Variants in STPG2 observed in about 807,000 individuals in gnomAD.
The protein encoded by STPG2 is sperm tail PG-rich repeat containing 2.
In STPG2, 56 loss-of-function variants were observed where a neutral mutation model predicts 54.2. The ratio of observed to expected loss-of-function variants is 1.03; its 90% CI spans 0.83 to 1.29. The LOEUF (loss-of-function observed/expected upper bound fraction) is 1.29, where lower values mean the gene tolerates loss of function less well. Ranked by LOEUF, STPG2 falls within the 50% of genes most tolerant of loss-of-function variation. The pLI is 0.00. For missense variants in STPG2, 596 were observed against 544.9 expected, an observed-to-expected ratio of 1.09 and a Z score of -0.93; for synonymous variants, 200 against 181.8, an observed-to-expected ratio of 1.10 and a Z score of -0.81.
At chr4:97,865,199 A>G (rs1413387562) in intron 8 of STPG2, among the ~76,000 whole-genome samples, 2 of 152,310 alleles carry the variant, frequency 1.3e-5, no homozygotes, top group Middle Eastern at 3.4e-3. Context: ...CTCATCTGAC[A>G]AAGGGCTAAT....
chr4:97,679,751 T>A (rs949261435), intron 10 of STPG2, among the ~76,000 whole-genome samples: 1 of 152,234 alleles, frequency 6.6e-6, no homozygotes, highest in African/African-American at 2.4e-5. Context: ...AGGGTTTTTA[T>A]GGTTTTAGGT....
intron 6 of STPG2, among the ~76,000 whole-genome samples, chr4:97,979,501 C>G (rs1734600377): frequency 6.6e-6 from 1 of 152,170 alleles, no homozygotes; most frequent in East Asian, 1.9e-4. Context: ...AAACAATCCT[C>G]TCTTTGGTTC....
chr4:97,658,770 T>C (rs1386492831), intron 10 of STPG2, among the ~76,000 whole-genome samples: 1 of 152,186 alleles, frequency 6.6e-6, no homozygotes, highest in East Asian at 1.9e-4. Flanking sequence ...AAAAGTTACA[T>C]ACACATGTAT....
At chr4:97,843,096 C>T (rs892371457) in intron 8 of STPG2, among the ~76,000 whole-genome samples, 2 of 151,304 alleles carry the variant, frequency 1.3e-5, no homozygotes, top group South Asian at 2.1e-4. Flanking sequence ...AATTTGTTGG[C>T]GATTCTTTAT....
At chr4:97,678,690 A>T (rs1167849342) in intron 10 of STPG2, among the ~76,000 whole-genome samples, 1 of 151,840 alleles carries the variant, frequency 6.6e-6, no homozygotes, top group Non-Finnish European at 1.5e-5. Context: ...TTAGTTACAT[A>T]TGTATACATG....
At chr4:98,125,193 C>T (rs1472287774) in intron 3 of STPG2, among the ~76,000 whole-genome samples, 1 of 152,204 alleles carries the variant, frequency 6.6e-6, no homozygotes, top group East Asian at 1.9e-4. Context: ...CCATCTCAGT[C>T]TCAGCCCAGT....
chr4:97,739,319 C>A (rs531139641), intron 9 of STPG2, among the ~76,000 whole-genome samples: 1 of 152,122 alleles, frequency 6.6e-6, no homozygotes, highest in South Asian at 2.1e-4. Context: ...AAAGCAAGAG[C>A]AAACACATTC....
intron 9 of STPG2, among the ~76,000 whole-genome samples, chr4:97,724,187 A>G (rs1578508932): frequency 6.6e-6 from 1 of 152,202 alleles, no homozygotes; most frequent in East Asian, 1.9e-4. Flanking sequence ...ATGGTATTGG[A>G]ATTTCTCCCC....
intron 4 of STPG2, among the ~76,000 whole-genome samples, chr4:97,514,430 G>A (rs1195491270): frequency 2.6e-5 from 4 of 151,994 alleles, no homozygotes; most frequent in African/African-American, 9.7e-5. Context: ...TTTTCTTCTC[G>A]CTAAGGAAGT....
At chr4:97,883,121 T>C (rs1435364127) in intron 8 of STPG2, among the ~76,000 whole-genome samples, 3 of 151,686 alleles carry the variant, frequency 2.0e-5, no homozygotes, top group Non-Finnish European at 4.4e-5. Context: ...AGTTTGAGAC[T>C]AGCATGGGCA....
intron 5 of STPG2, among the ~76,000 whole-genome samples, chr4:98,053,067 T>C (rs1737375060): frequency 6.6e-6 from 1 of 152,186 alleles, no homozygotes; most frequent in Non-Finnish European, 1.5e-5. Context: ...TAGTTCTCAA[T>C]GGCTGGCTAG....
chr4:97,513,553 T>C (rs972324027), intron 4 of STPG2, among the ~76,000 whole-genome samples: 2 of 152,020 alleles, frequency 1.3e-5, no homozygotes, highest in Admixed American at 6.6e-5. Context: ...GACTCTCCTA[T>C]CACTCCAGAG....
intron 8 of STPG2, among the ~76,000 whole-genome samples, chr4:97,942,142 T>C (rs1733009344): frequency 6.7e-6 from 1 of 149,786 alleles, no homozygotes; most frequent in Non-Finnish European, 1.5e-5. Context: ...TATGTGTGTA[T>C]ATATATATAT....
intron 7 of STPG2, among the ~76,000 whole-genome samples, chr4:97,969,103 G>A (rs887931602): frequency 3.9e-5 from 6 of 152,126 alleles, no homozygotes; most frequent in Admixed American, 1.3e-4. Context: ...GTCTTTTTAG[G>A]GTTAAGACAT....
chr4:97,509,559 G>A (rs751548382), intron 4 of STPG2, among the ~76,000 whole-genome samples: 1 of 151,876 alleles, frequency 6.6e-6, no homozygotes, highest in Non-Finnish European at 1.5e-5. Context: ...GAGGATTTGT[G>A]GTATACAATA....
intron 5 of STPG2, among the ~76,000 whole-genome samples, chr4:98,103,513 C>T (rs7694517): frequency 0.4 from 59,800 of 151,238 alleles, 12,042 homozygotes; most frequent in Middle Eastern, 0.46. Context: ...TGGTGGTGCA[C>T]GCCTGTAATC....
At chr4:97,997,998 G>A (rs1007274865) in intron 5 of STPG2, among the ~76,000 whole-genome samples, 2 of 152,098 alleles carry the variant, frequency 1.3e-5, no homozygotes, top group Non-Finnish European at 1.5e-5. Flanking sequence ...GAAAAGAAGC[G>A]GAGACACCAG....
Position 97,807,675 on chromosome 4 carries a change from T to C in STPG2, c.1204+33098A>G, listed in dbSNP as rs183074138. On this transcript the variant is annotated intron_variant, in intron 9 of 10. Transcript: ENST00000295268. ...AGTTGTAAGAGGAAAAAAAAGGAAG[T>C]ATTTATTTGGAATTGAAAAGTGGGC... Among the ~76,000 whole-genome samples, 41 of 151,902 alleles carry C rather than the reference T, an allele frequency of 2.7e-4. No homozygotes were observed. The East Asian group carries it at 6.4e-3, about 24-fold the overall frequency.
intron 9 of STPG2, among the ~76,000 whole-genome samples, chr4:97,817,959 C>G (rs780585952): frequency 6.6e-6 from 1 of 151,708 alleles, no homozygotes; most frequent in Non-Finnish European, 1.5e-5. Context: ...CAGAGTCATC[C>G]TTCCTTTTCC....
Sources: allele counts gnomAD v4.1 joint callset (sites outside exome capture counted in the v4.1 genomes callset), GRCh38; gene constraint gnomAD v4.1.1; transcripts MANE v1.5; gene names NCBI Gene and HGNC (gene_info 2026-07-23, HGNC 2026-07-21).